EYA4: variants seen among roughly 807,000 people sequenced by gnomAD.
EYA4 encodes EYA transcriptional coactivator and phosphatase 4, also known as protein phosphatase EYA4.
A neutral mutation model predicts 87.9 loss-of-function variants in EYA4; 31 were observed. The observed-to-expected ratio is 0.35, with a 90% CI of 0.27 to 0.48. The LOEUF (loss-of-function observed/expected upper bound fraction) is 0.48, where lower values mean the gene tolerates loss of function less well. EYA4 is among the 20% of genes least tolerant of loss of function. EYA4 has a pLI of 0.99. For synonymous variants in EYA4, 263 were observed against 270.6 expected (o/e 0.97, Z 0.28); for missense variants, 678 against 761.4 (o/e 0.89, Z 1.29).
intron 3 of EYA4, among the ~76,000 whole-genome samples, chr6:133,410,123 T>C (rs1192116715): frequency 1.3e-5 from 2 of 152,116 alleles, no homozygotes; most frequent in African/African-American, 4.8e-5. Flanking sequence ...AGATAATATA[T>C]AGATATATAG....
At chr6:133,298,314 A>G (rs558127526) in intron 2 of EYA4, among the ~76,000 whole-genome samples, 5 of 152,098 alleles carry the variant, frequency 3.3e-5, no homozygotes, top group East Asian at 3.9e-4. Flanking sequence ...GAAGCAGCCA[A>G]TTTTTCTGAC....
In EYA4 at chr6:133,464,239, G is replaced by C. The variant is rs116701556; in HGVS notation, c.725-540G>C. ...TAGAAGGCCCTCAAACCCTAGATTT[G>C]TGTACCATAAACAGTTCTCCCTTGA... On this transcript the variant is annotated intron_variant, in intron 9 of 19. Coordinates refer to ENST00000355286, the MANE Select transcript of EYA4 (RefSeq NM_004100.5). Among the ~76,000 whole-genome samples, 452 of 152,148 alleles carry C rather than the reference G, an allele frequency of 3.0e-3. 3 individuals are homozygous for C. Among genetic ancestry groups the C allele is most frequent in the African/African-American group, 0.011 (438 of 41,532 alleles).
At chr6:133,345,845 A>G (rs1783152224) in intron 2 of EYA4, among the ~76,000 whole-genome samples, 1 of 152,210 alleles carries the variant, frequency 6.6e-6, no homozygotes, top group African/African-American at 2.4e-5. Flanking sequence ...ATATTTTCCT[A>G]TTTTCTTCTG....
chr6:133,319,526 A>T, intron 2 of EYA4, among the ~76,000 whole-genome samples: 1 of 144,738 alleles, frequency 6.9e-6, no homozygotes, highest in Admixed American at 6.8e-5. Context: ...TTTTTTTACC[A>T]GTCTTAATGA....
intron 2 of EYA4, among the ~76,000 whole-genome samples, chr6:133,331,353 T>A (rs982670418): frequency 6.6e-6 from 1 of 152,198 alleles, no homozygotes; most frequent in Non-Finnish European, 1.5e-5. Flanking sequence ...ATCAGCAGAA[T>A]GGCAGAACCC....
intron 3 of EYA4, among the ~76,000 whole-genome samples, chr6:133,445,106 G>A (rs977369447): frequency 2.0e-5 from 3 of 151,896 alleles, no homozygotes; most frequent in Non-Finnish European, 4.4e-5. Context: ...ATACCTGATG[G>A]TATTTTTCTT....
At chr6:133,462,192 G>A in intron 7 of EYA4, 143 bp from the exon 8 acceptor site, 2 of 1,003,666 alleles carry the variant, frequency 2.0e-6, no homozygotes, top group Non-Finnish European at 1.5e-6. Context: ...CATTCAGACT[G>A]TTGCTTTTTC....
At chr6:133,328,873 G>A (rs1211993383) in intron 2 of EYA4, among the ~76,000 whole-genome samples, 1 of 152,042 alleles carries the variant, frequency 6.6e-6, no homozygotes, top group African/African-American at 2.4e-5. Context: ...AATGGTACTG[G>A]ATATTCATGC....
At chr6:133,327,045 T>G (rs1323127778) in intron 2 of EYA4, among the ~76,000 whole-genome samples, 1 of 151,990 alleles carries the variant, frequency 6.6e-6, no homozygotes, top group Non-Finnish European at 1.5e-5. Flanking sequence ...TTCAGTGGAG[T>G]GGTATATAAT....
intron 3 of EYA4, among the ~76,000 whole-genome samples, chr6:133,387,720 A>T (rs1264399087): frequency 2.0e-5 from 3 of 152,172 alleles, no homozygotes; most frequent in South Asian, 2.1e-4. Flanking sequence ...AAATATTCTA[A>T]GAGTGTGATT....
Position 133,531,505 on chromosome 6 carries a change from G to A in EYA4, c.*2700G>A, listed in dbSNP as rs1462808629. 2 of 445,616 alleles carry A rather than the reference G, an allele frequency of 4.5e-6. No homozygotes were observed. The highest frequency in any genetic ancestry group is 4.0e-5 in the African/African-American group (2 of 50,580). 27.6% of individuals were successfully genotyped at this position (445,616 alleles called of 1,614,324 possible). On this transcript the variant is annotated 3_prime_UTR_variant, in exon 20 of 20. Coordinates refer to ENST00000355286, the MANE Select transcript of EYA4 (RefSeq NM_004100.5). ...TTGAAAAATGTTCTGTAACTAAAGT[G>A]GGTTTTCGGCTATTATGTATACAGC... is the stretch of plus-strand genomic sequence containing the variant.
chr6:133,385,737 G>A (rs1184386711), intron 3 of EYA4, among the ~76,000 whole-genome samples: 2 of 152,134 alleles, frequency 1.3e-5, no homozygotes, highest in African/African-American at 4.8e-5. Context: ...TGGAGACTTT[G>A]ACAAGAGAAT....
chr6:133,388,150 TA>T (rs1273386194), intron 3 of EYA4, among the ~76,000 whole-genome samples: 1 of 152,080 alleles, frequency 6.6e-6, no homozygotes, highest in African/African-American at 2.4e-5. Flanking sequence ...GCTCACCCTA[TA>T]AACCCAGCAC....
rs1326122099 is a variant in EYA4, at chr6:133,529,963, C to G, written c.*1158C>G. 2.0e-6 allele frequency: 2 copies of G among 985,252 alleles called. No homozygotes were observed. Among genetic ancestry groups the G allele is most frequent in the African/African-American group, 3.5e-5 (2 of 57,226 alleles). 61.0% of individuals were successfully genotyped at this position (985,252 alleles called of 1,614,324 possible). On this transcript the variant is annotated 3_prime_UTR_variant, in exon 20 of 20. Coordinates refer to ENST00000355286, the MANE Select transcript of EYA4 (RefSeq NM_004100.5). Reference sequence around the variant, plus strand: ...AAACTTTTTTAGAATGTGCCATGAACATGGCATAAAATTCACATTGAGTGC... The same window carrying G: ...AAACTTTTTTAGAATGTGCCATGAAGATGGCATAAAATTCACATTGAGTGC...
chr6:133,256,351 T>C (rs1385679651), intron 1 of EYA4, among the ~76,000 whole-genome samples: 2 of 151,950 alleles, frequency 1.3e-5, no homozygotes, highest in Admixed American at 6.6e-5. Context: ...TTTTTTTTAC[T>C]TAGTACCATC....
At chr6:133,496,324 G>A (rs1797644291) in intron 13 of EYA4, among the ~76,000 whole-genome samples, 1 of 152,124 alleles carries the variant, frequency 6.6e-6, no homozygotes, top group Non-Finnish European at 1.5e-5. Flanking sequence ...GCATGTTAGA[G>A]TGTAACAACA....
chr6:133,381,551 A>AG (rs1786224332), intron 2 of EYA4, among the ~76,000 whole-genome samples: 1 of 152,122 alleles, frequency 6.6e-6, no homozygotes, highest in African/African-American at 2.4e-5. Context: ...TGGATTCCAT[A>AG]GGTTGCATAG....
chr6:133,374,558 G>A (rs1785524356), intron 2 of EYA4, among the ~76,000 whole-genome samples: 1 of 151,992 alleles, frequency 6.6e-6, no homozygotes, highest in African/African-American at 2.4e-5. Flanking sequence ...TATCTTTGAT[G>A]TGTAGCAGTT....
At chr6:133,307,387 T>C (rs974285653) in intron 2 of EYA4, among the ~76,000 whole-genome samples, 1 of 152,208 alleles carries the variant, frequency 6.6e-6, no homozygotes, top group African/African-American at 2.4e-5. Context: ...GCCCCATCTG[T>C]TGGGAAAAAT....
Sources: allele counts gnomAD v4.1 joint callset (sites outside exome capture counted in the v4.1 genomes callset), GRCh38; gene constraint gnomAD v4.1.1; transcripts MANE v1.5; gene names NCBI Gene and HGNC (gene_info 2026-07-23, HGNC 2026-07-21).